Variants in CLEC11A observed in about 807,000 individuals in gnomAD.
The protein encoded by CLEC11A is C-type lectin domain containing 11A, also known as C-type lectin domain family 11 member A.
Under a neutral mutation model 33.9 loss-of-function variants are expected in CLEC11A, and 35 were observed. The observed-to-expected ratio is 1.03, with a 90% CI of 0.79 to 1.37. The LOEUF is 1.37. Among genes scored for constraint, CLEC11A ranks in the 40% most tolerant of loss-of-function variants. The pLI is 0.00. For missense variants in CLEC11A, 519 were observed against 455.5 expected, an observed-to-expected ratio of 1.14 and a Z score of -1.27; for synonymous variants, 220 against 202.2, an observed-to-expected ratio of 1.09 and a Z score of -0.75.
rs2089180999 is a variant in CLEC11A at position 50,725,509 on chromosome 19, C to T, written c.*42C>T. 6.6e-7 allele frequency: 1 copy of T among 1,510,846 alleles called. No individual in the cohort carries two copies. Among genetic ancestry groups the T allele is most frequent in the East Asian group, 2.4e-5 (1 of 41,410 alleles). 93.6% of individuals were successfully genotyped at this position (1,510,846 alleles called of 1,614,324 possible). A position where few individuals can be genotyped will look rare whatever the true frequency, so the allele number is the denominator to read the frequency against. On this transcript the variant is annotated 3_prime_UTR_variant, in exon 4 of 4. Coordinates refer to ENST00000250340, the MANE Select transcript of CLEC11A (RefSeq NM_002975.3). ...CCTCCCTGCCCATCCCACCACCCGG[C>T]CTTTCCCTGCGCCGTGCCCACCCTC...
Position 50,723,568 on chromosome 19 carries a change from C to T in CLEC11A, c.43C>T (p.Leu15Phe). Residue 15 changes from leucine (L) to phenylalanine (F), a missense_variant, in exon 1 of 4, where the codon CTC becomes TTC. Physicochemically the swap from Leu to Phe is conservative, Grantham distance 22. Transcript: ENST00000250340. The surrounding 1 kb of genome is among the most constrained non-coding windows in gnomAD (Gnocchi z 4.1). Reference protein sequence around the residue: ...WLLGALVVPQLLGFGHGARGA... With the variant: ...WLLGALVVPQFLGFGHGARGA... ...TTTGGGGGCTTTGGTGGTCCCCCAG[C>T]TCTTGGGCTTTGGCCATGGGGCTCG... 6.2e-7 allele frequency: 1 copy of T among 1,612,406 alleles called. No homozygotes were observed. Among genetic ancestry groups the T allele is most frequent in the Non-Finnish European group, 8.5e-7 (1 of 1,179,978 alleles).
Position 50,723,893 on chromosome 19 carries a change from C to T in CLEC11A, c.148-12C>T. The stretch of plus-strand genomic sequence containing the variant: ...TGGCAGGCTGGGGCTCACCACCCCT[C>T]CCCTGCCCCAGCATCTGCAGGAAGC... On this transcript the variant is annotated splice_polypyrimidine_tract_variant and intron_variant, in intron 1 of 3. Coordinates refer to ENST00000250340, the MANE Select transcript of CLEC11A (RefSeq NM_002975.3). The surrounding 1 kb of genome is among the most constrained non-coding windows in gnomAD (Gnocchi z 4.1). 2 of 1,602,690 alleles carry T rather than the reference C, an allele frequency of 1.2e-6. No homozygotes were observed. The highest frequency in any genetic ancestry group is 1.7e-6 in the Non-Finnish European group (2 of 1,174,192).
chr19:50,725,442 A>G lies in CLEC11A; in HGVS notation c.947A>G (p.Tyr316Cys). The G allele has an allele frequency of 1.2e-6, 2 of 1,604,310 alleles. No individual in the cohort carries two copies. The highest frequency in any genetic ancestry group is 1.7e-6 in the Non-Finnish European group (2 of 1,174,228). Residue 316 changes from tyrosine to cysteine, a missense_variant, in exon 4 of 4, where the codon TAC becomes TGC. Tyr to Cys is a radical substitution (Grantham distance 194, BLOSUM62 -2). Coordinates refer to ENST00000250340, the MANE Select transcript of CLEC11A (RefSeq NM_002975.3). ...WWDHDCQRRL[Y>C]YVCEFPF ...GACCACGACTGCCAGCGGCGTCTCT[A>G]CTACGTCTGCGAGTTCCCCTTCTAG...
chr19:50,724,744 G>A lies in CLEC11A; in HGVS notation c.526+143G>A. 16 of 1,187,276 alleles carry A rather than the reference G, an allele frequency of 1.3e-5. No homozygotes were observed. The highest frequency in any genetic ancestry group is 1.7e-5 in the Non-Finnish European group (15 of 898,944). The allele number at this position is 1,187,276 out of a possible 1,614,324, so 73.5% of individuals were successfully genotyped here. On this transcript the variant is annotated intron_variant, in intron 3 of 3. Coordinates refer to ENST00000250340, the MANE Select transcript of CLEC11A (RefSeq NM_002975.3). The surrounding 1 kb of genome is among the most constrained non-coding windows in gnomAD (Gnocchi z 4.1). Reference sequence around the variant, plus strand: ...CTAGCGGACGGGGTTAGAGAGCTGGGAGGCTGAATGCAGGGAGCGGGTGGG... The same window carrying A: ...CTAGCGGACGGGGTTAGAGAGCTGGAAGGCTGAATGCAGGGAGCGGGTGGG...
At position 50,723,748 on chromosome 19, in the gene CLEC11A, T is replaced by TTA; in HGVS notation, c.147+76_147+77insTA. On this transcript the variant is annotated intron_variant, in intron 1 of 3. Coordinates refer to ENST00000250340, the MANE Select transcript of CLEC11A (RefSeq NM_002975.3). The surrounding 1 kb of genome is among the most constrained non-coding windows in gnomAD (Gnocchi z 4.1). ...AGGGGGTATTGCAAGGTTAGGGAAA[T>TTA]GGACAATGAGGAGCGATTGGGATAG... The TTA allele has an allele frequency of 6.5e-7, 1 of 1,529,256 alleles. No individual in the cohort carries two copies. The highest frequency in any genetic ancestry group is 8.8e-7 in the Non-Finnish European group (1 of 1,141,130). The allele number at this position is 1,529,256 out of a possible 1,614,324, so 94.7% of individuals were successfully genotyped here. A position where few individuals can be genotyped will look rare whatever the true frequency, so the allele number is the denominator to read the frequency against.
chr19:50,725,229 G>C lies in CLEC11A; in HGVS notation c.734G>C (p.Arg245Pro). 1 of 1,600,466 alleles carries C rather than the reference G, an allele frequency of 6.2e-7. No individual in the cohort carries two copies. The highest frequency in any genetic ancestry group is 8.5e-7 in the Non-Finnish European group (1 of 1,174,578). Reference protein sequence around the residue: ...NWPVWLGVHDRRAEGLYLFEN... With the variant: ...NWPVWLGVHDPRAEGLYLFEN... Reference sequence around the variant, plus strand: ...CCCGTGTGGCTGGGCGTGCACGATCGGCGCGCCGAGGGCCTCTACCTCTTC... The same window carrying C: ...CCCGTGTGGCTGGGCGTGCACGATCCGCGCGCCGAGGGCCTCTACCTCTTC... Residue 245 changes from arginine (R) to proline (P), a missense_variant, in exon 4 of 4, where the codon CGG becomes CCG. Physicochemically the swap from Arg to Pro is moderately radical, Grantham distance 103. Transcript: ENST00000250340.
At position 50,725,042 on chromosome 19, in the gene CLEC11A, C is replaced by A. The variant is rs1018444150; in HGVS notation, c.547C>A (p.Leu183Met). Residue 183 changes from leucine (L) to methionine (M), a missense_variant, in exon 4 of 4, where the codon CTG becomes ATG. Coordinates refer to ENST00000250340, the MANE Select transcript of CLEC11A (RefSeq NM_002975.3). ...CACAGGCTGCCTGAAGGGGCTGCGC[C>A]TGGGCCACAAGTGCTTCCTGCTCTC... ...RLEGCLKGLR[L>M]GHKCFLLSRD... 6.7e-7 allele frequency: 1 copy of A among 1,503,190 alleles called. No homozygotes were observed. The highest frequency in any genetic ancestry group is 8.9e-7 in the Non-Finnish European group (1 of 1,129,198). 93.1% of individuals were successfully genotyped at this position (1,503,190 alleles called of 1,614,324 possible).
rs773062889 is a variant in CLEC11A at position 50,724,401 on chromosome 19, T to C, written c.335-9T>C. 2 of 1,493,718 alleles carry C rather than the reference T, an allele frequency of 1.3e-6. No individual in the cohort carries two copies. The highest frequency in any genetic ancestry group is 1.3e-5 in the South Asian group (1 of 74,564). 92.5% of individuals were successfully genotyped at this position (1,493,718 alleles called of 1,614,324 possible). A position where few individuals can be genotyped will look rare whatever the true frequency, so the allele number is the denominator to read the frequency against. ...CTCCCCCTCCAGCATGATCCCTGTC[T>C]GTCCGCAGTGGGCCGCCTGGCCGGC... is the stretch of plus-strand genomic sequence containing the variant. On this transcript the variant is annotated splice_polypyrimidine_tract_variant and intron_variant, in intron 2 of 3. Transcript: ENST00000250340. The surrounding 1 kb of genome is among the most constrained non-coding windows in gnomAD (Gnocchi z 4.1).
Position 50,723,713 on chromosome 19 carries a change from T to G in CLEC11A, c.147+41T>G. On this transcript the variant is annotated intron_variant, in intron 1 of 3. Coordinates refer to ENST00000250340, the MANE Select transcript of CLEC11A (RefSeq NM_002975.3). This position sits in a 1 kb window ranked among gnomAD's most constrained non-coding sequence, Gnocchi z 4.1. ...TCAGGGAGCTATGGGTGGTGAACTG[T>G]GGGTCTGGGAGGGGGTATTGCAAGG... 6.5e-7 allele frequency: 1 copy of G among 1,540,786 alleles called. No homozygotes were observed. The highest frequency in any genetic ancestry group is 8.7e-7 in the Non-Finnish European group (1 of 1,145,824).
At position 50,724,941 on chromosome 19, in the gene CLEC11A, C is replaced by G; in HGVS notation, c.527-81C>G. ...GAGTTCCTGGCCCCGCCTCCCTCCA[C>G]CCCCGGATGTTTTGTCCTCGCCCCC... is the stretch of plus-strand genomic sequence containing the variant. On this transcript the variant is annotated intron_variant, in intron 3 of 3. Coordinates refer to ENST00000250340, the MANE Select transcript of CLEC11A (RefSeq NM_002975.3). The surrounding 1 kb of genome is among the most constrained non-coding windows in gnomAD (Gnocchi z 4.1). 2.1e-6 allele frequency: 3 copies of G among 1,416,312 alleles called. No individual in the cohort carries two copies. The highest frequency in any genetic ancestry group is 2.8e-6 in the Non-Finnish European group (3 of 1,087,508). The allele number at this position is 1,416,312 out of a possible 1,614,324, so 87.7% of individuals were successfully genotyped here. A position where few individuals can be genotyped will look rare whatever the true frequency, so the allele number is the denominator to read the frequency against.
chr19:50,723,870 G>T lies in CLEC11A; in HGVS notation c.148-35G>T. ...AAGGGGTGAATGGGGCATCTTGGTG[G>T]CAGGCTGGGGCTCACCACCCCTCCC... is the stretch of plus-strand genomic sequence containing the variant. On this transcript the variant is annotated intron_variant, in intron 1 of 3. Transcript: ENST00000250340. This position sits in a 1 kb window ranked among gnomAD's most constrained non-coding sequence, Gnocchi z 4.1. The T allele has an allele frequency of 6.3e-7, 1 of 1,584,282 alleles. No homozygotes were observed. The highest frequency in any genetic ancestry group is 1.1e-5 in the South Asian group (1 of 88,914).
At position 50,723,938 on chromosome 19, in the gene CLEC11A, A is replaced by T; in HGVS notation, c.181A>T (p.Arg61Trp). 6.2e-7 allele frequency: 1 copy of T among 1,612,956 alleles called. No individual in the cohort carries two copies. The change falls in exon 2 of 4, where the codon AGG (arginine) becomes TGG (tryptophan). Residue 61 changes from arginine to tryptophan, a missense_variant. Physicochemically the swap from Arg to Trp is moderately radical, Grantham distance 101. Coordinates refer to ENST00000250340, the MANE Select transcript of CLEC11A (RefSeq NM_002975.3). The surrounding 1 kb of genome is among the most constrained non-coding windows in gnomAD (Gnocchi z 4.1). ...GGAAGCCCTAGGACTGCCTGCTGGG[A>T]GGGGGGATGAGAATCCTGCCGGAAC... Reference protein sequence around the residue: ...LQEALGLPAGRGDENPAGTVE... With the variant: ...LQEALGLPAGWGDENPAGTVE...
In CLEC11A at chr19:50,725,668, C is replaced by T. The variant is rs566994304; in HGVS notation, c.*201C>T. 33 of 957,314 alleles carry T rather than the reference C, an allele frequency of 3.4e-5. No homozygotes were observed. In the Admixed American group the frequency reaches 9.4e-4, roughly 27 times the overall value. The allele number at this position is 957,314 out of a possible 1,614,324, so 59.3% of individuals were successfully genotyped here. A position where few individuals can be genotyped will look rare whatever the true frequency, so the allele number is the denominator to read the frequency against. On this transcript the variant is annotated 3_prime_UTR_variant, in exon 4 of 4. Transcript: ENST00000250340. Reference sequence around the variant, plus strand: ...GTGTCTTTCCTTGAAGGGGCGGGCACCAGGCTAGGTCCGGTGCCAATAAAT... The same window carrying T: ...GTGTCTTTCCTTGAAGGGGCGGGCATCAGGCTAGGTCCGGTGCCAATAAAT...
Position 50,723,603 on chromosome 19 carries a change from G to T in CLEC11A, c.78G>T (p.Glu26Asp), listed in dbSNP as rs1235305162. ...LGFGHGARGAEREWEGGWGGA... is the reference protein window; with the variant it reads ...LGFGHGARGADREWEGGWGGA... ...TTGGCCATGGGGCTCGGGGAGCAGA[G>T]AGGGAGTGGGAGGGAGGCTGGGGAG... Residue 26 changes from glutamate (E) to aspartate (D), a missense_variant, in exon 1 of 4, where the codon GAG becomes GAT. Coordinates refer to ENST00000250340, the MANE Select transcript of CLEC11A (RefSeq NM_002975.3). The surrounding 1 kb of genome is among the most constrained non-coding windows in gnomAD (Gnocchi z 4.1). 8.7e-6 allele frequency: 14 copies of T among 1,610,546 alleles called. No homozygotes were observed. The highest frequency in any genetic ancestry group is 2.1e-4 in the Middle Eastern group (1 of 4,680).
rs748284040 is a variant in CLEC11A, at chr19:50,725,340, C to A, written c.845C>A (p.Pro282Gln). Reference protein sequence around the residue: ...LGAQPSASPHPLSPDQPNGGT... With the variant: ...LGAQPSASPHQLSPDQPNGGT... ...GCCCAGCCCAGCGCCTCGCCGCATC[C>A]GCTCAGCCCGGACCAGCCCAACGGT... is the stretch of plus-strand genomic sequence containing the variant. The change falls in exon 4 of 4, where the codon CCG becomes CAG. Residue 282 changes from proline (P) to glutamine (Q), a missense_variant. Pro to Gln is a moderately conservative substitution (Grantham distance 76). Transcript: ENST00000250340. 1.9e-6 allele frequency: 3 copies of A among 1,612,142 alleles called. No individual in the cohort carries two copies. The highest frequency in any genetic ancestry group is 2.5e-6 in the Non-Finnish European group (3 of 1,179,454).
chr19:50,723,471 C>T lies in CLEC11A; in HGVS notation c.-55C>T. On this transcript the variant is annotated 5_prime_UTR_variant, in exon 1 of 4. Transcript: ENST00000250340. The surrounding 1 kb of genome is among the most constrained non-coding windows in gnomAD (Gnocchi z 4.1). ...ACTCGGCAGTTCCCAGAGGCCACCC[C>T]TCCCACCCCAGACATCCAGACATCT... 3 of 1,605,268 alleles carry T rather than the reference C, an allele frequency of 1.9e-6. No individual in the cohort carries two copies. The highest frequency in any genetic ancestry group is 2.6e-6 in the Non-Finnish European group (3 of 1,174,760).
rs778703479 is a variant in CLEC11A, at chr19:50,725,508, GC to G, written c.*43del. ...GCCTCCCTGCCCATCCCACCACCCG[GC>G]CTTTCCCTGCGCCGTGCCCACCCTC... On this transcript the variant is annotated 3_prime_UTR_variant, in exon 4 of 4. Coordinates refer to ENST00000250340, the MANE Select transcript of CLEC11A (RefSeq NM_002975.3). The G allele has an allele frequency of 4.6e-6, 7 of 1,510,264 alleles. No individual in the cohort carries two copies. The Admixed American group carries it at 1.1e-4, about 23-fold the overall frequency. 93.6% of individuals were successfully genotyped at this position (1,510,264 alleles called of 1,614,324 possible).
chr19:50,724,336 C>T lies in CLEC11A; in HGVS notation c.335-74C>T. 7.4e-7 allele frequency: 1 copy of T among 1,353,282 alleles called. No individual in the cohort carries two copies. Among genetic ancestry groups the T allele is most frequent in the Non-Finnish European group, 9.7e-7 (1 of 1,025,832 alleles). The allele number at this position is 1,353,282 out of a possible 1,614,324, so 83.8% of individuals were successfully genotyped here. On this transcript the variant is annotated intron_variant, in intron 2 of 3. Transcript: ENST00000250340. This position sits in a 1 kb window ranked among gnomAD's most constrained non-coding sequence, Gnocchi z 4.1. ...CCCCGCCCTCAGGAGCCCTAGATCC[C>T]AGTTCTCCAGGTCCTCAGGCCCCCC... is the stretch of plus-strand genomic sequence containing the variant.
At position 50,723,952 on chromosome 19, in the gene CLEC11A, T is replaced by A. The variant is rs749725650; in HGVS notation, c.195T>A (p.Asn65Lys). 1.2e-6 allele frequency: 2 copies of A among 1,613,164 alleles called. No individual in the cohort carries two copies. Among genetic ancestry groups the A allele is most frequent in the South Asian group, 1.1e-5 (1 of 91,020 alleles). Residue 65 changes from asparagine to lysine, a missense_variant, in exon 2 of 4, where the codon AAT becomes AAA. Asn to Lys is a moderately conservative substitution (Grantham distance 94). Transcript: ENST00000250340. The surrounding 1 kb of genome is among the most constrained non-coding windows in gnomAD (Gnocchi z 4.1). ...TGCCTGCTGGGAGGGGGGATGAGAA[T>A]CCTGCCGGAACTGTTGAGGGAAAAG... ...LGLPAGRGDE[N>K]PAGTVEGKED...
Sources: allele counts gnomAD v4.1 joint callset, GRCh38; gene constraint gnomAD v4.1.1; non-coding constraint Gnocchi (gnomAD v3.1); transcripts MANE v1.5; gene names NCBI Gene and HGNC (gene_info 2026-07-23, HGNC 2026-07-21).